The following TANC1 variants were observed in gnomAD, a reference collection of about 807,000 sequenced individuals.
The protein encoded by TANC1 is protein TANC1.
TANC1 carries 77 observed loss-of-function variants against 149.7 expected under a neutral mutation model. That is an observed-to-expected ratio of 0.51 (90% CI 0.43 to 0.62). TANC1 has a LOEUF of 0.62. Ranked by LOEUF, TANC1 falls within the 20% of genes least tolerant of loss-of-function variation. The pLI is 0.00. For missense variants in TANC1, 1,985 were observed against 2,321.8 expected (o/e 0.85, Z 2.98); for synonymous variants, 854 against 925.0 (o/e 0.92, Z 1.39).
intron 2 of TANC1, among the ~76,000 whole-genome samples, chr2:159,057,254 A>T (rs2041921143): frequency 6.6e-6 from 1 of 152,180 alleles, no homozygotes; most frequent in Admixed American, 6.5e-5. Flanking sequence ...CCTCTCATCT[A>T]CAGGGCTATC....
At chr2:159,214,444 C>T (rs1021194257) in intron 19 of TANC1, among the ~76,000 whole-genome samples, 24 of 152,322 alleles carry the variant, frequency 1.6e-4, no homozygotes, top group Admixed American at 1.6e-3. Context: ...TGAGCAGTCT[C>T]TCACCTGCTG....
chr2:158,970,997 A>T (rs1195788637), intron 1 of TANC1, among the ~76,000 whole-genome samples: 1 of 152,196 alleles, frequency 6.6e-6, no homozygotes, highest in Non-Finnish European at 1.5e-5. Context: ...GATATAACTG[A>T]TTCATAGTCA....
intron 11 of TANC1, among the ~76,000 whole-genome samples, chr2:159,174,410 A>C (rs942345087): frequency 6.6e-6 from 1 of 152,084 alleles, no homozygotes; most frequent in Admixed American, 6.5e-5. Flanking sequence ...ACTCCTCCAC[A>C]GTGTCCCTTG....
intron 3 of TANC1, among the ~76,000 whole-genome samples, chr2:159,094,774 T>TTG (rs1553547237): frequency 2.9e-3 from 153 of 53,468 alleles, no homozygotes; most frequent in Middle Eastern, 8.9e-3. Context: ...TGTGTGTGTG[T>TTG]GGGGGGGGGG....
In TANC1 at chr2:159,154,300, C is replaced by T. The variant is rs546033971; in HGVS notation, c.682+3744C>T. On this transcript the variant is annotated intron_variant, in intron 7 of 26. Coordinates refer to ENST00000263635, the MANE Select transcript of TANC1 (RefSeq NM_033394.3). ...CCTTTCTTTACTCTTTAAGCTGATT[C>T]GCATCATGTTGGTTATATTTAATCT... 2.6e-5 allele frequency among the ~76,000 whole-genome samples: 4 copies of T among 152,290 alleles called. No individual in the cohort carries two copies. The East Asian group carries it at 5.8e-4, about 22-fold the overall frequency.
At chr2:159,007,606 C>A (rs1039427090) in intron 2 of TANC1, among the ~76,000 whole-genome samples, 9 of 152,168 alleles carry the variant, frequency 5.9e-5, no homozygotes, top group African/African-American at 2.2e-4. Flanking sequence ...AGTAGGCTGT[C>A]CCATCTAGAT....
At chr2:159,147,600 C>G (rs916907653) in intron 5 of TANC1, 2 of 152,318 alleles carry the variant, frequency 1.3e-5, no homozygotes, top group African/African-American at 4.8e-5. Context: ...TGAGGTCGAC[C>G]CGCCCTGGGG....
intron 2 of TANC1, among the ~76,000 whole-genome samples, chr2:159,062,499 C>T (rs2042302783): frequency 6.6e-6 from 1 of 152,120 alleles, no homozygotes; most frequent in Non-Finnish European, 1.5e-5. Context: ...GAAGTTGCTA[C>T]TGGAAGGGAA....
At chr2:159,084,066 A>C (rs572660128) in intron 3 of TANC1, among the ~76,000 whole-genome samples, 1 of 152,222 alleles carries the variant, frequency 6.6e-6, no homozygotes, top group African/African-American at 2.4e-5. Flanking sequence ...CCTGGCCAAC[A>C]TGGCGAAACC....
intron 4 of TANC1, among the ~76,000 whole-genome samples, chr2:159,115,712 T>C (rs264580): frequency 0.34 from 51,013 of 151,974 alleles, 9,441 homozygotes; most frequent in East Asian, 0.63. Flanking sequence ...TGCCGAGCTC[T>C]AGCTTGGTTT....
At chr2:159,024,618 G>T (rs1041698898) in intron 2 of TANC1, among the ~76,000 whole-genome samples, 1 of 152,104 alleles carries the variant, frequency 6.6e-6, no homozygotes, top group Non-Finnish European at 1.5e-5. Flanking sequence ...GGGCATGGTG[G>T]CATGTGTCTG....
At chr2:159,164,862 C>T (rs2150415163) in intron 8 of TANC1, among the ~76,000 whole-genome samples, 1 of 152,276 alleles carries the variant, frequency 6.6e-6, no homozygotes, top group South Asian at 2.1e-4. Context: ...GGCCTTGTTC[C>T]AGAAGAGGGA....
chr2:159,092,016 A>G (rs1005203628), intron 3 of TANC1, among the ~76,000 whole-genome samples: 3 of 152,036 alleles, frequency 2.0e-5, no homozygotes, highest in African/African-American at 7.2e-5. Flanking sequence ...ACAACCTTTA[A>G]GAAACATTAG....
intron 1 of TANC1, among the ~76,000 whole-genome samples, chr2:158,970,807 A>C (rs1025722758): frequency 2.0e-5 from 3 of 152,160 alleles, no homozygotes; most frequent in Admixed American, 2.0e-4. Flanking sequence ...TCCACAAATA[A>C]ATTTAAGGTG....
intron 25 of TANC1, chr2:159,228,446 C>A: frequency 3.5e-6 from 1 of 283,996 alleles, no homozygotes; most frequent in East Asian, 8.0e-5. Context: ...TAACTGTGTC[C>A]TCCTGCCCCA....
chr2:159,116,454 C>CAACA (rs1553559680), intron 4 of TANC1, among the ~76,000 whole-genome samples: 7 of 140,410 alleles, frequency 5.0e-5, no homozygotes, highest in African/African-American at 1.9e-4. Context: ...ACAACAACAA[C>CAACA]AAAAAAAAAA....
At chr2:159,067,190 TATATAAG>T (rs1465801552) in intron 3 of TANC1, among the ~76,000 whole-genome samples, 7 of 152,230 alleles carry the variant, frequency 4.6e-5, no homozygotes, top group African/African-American at 1.7e-4. Context: ...TTTCCATACT[TATATAAG>T]AGAATAAGTG....
intron 2 of TANC1, among the ~76,000 whole-genome samples, chr2:159,051,204 A>G (rs2041438788): frequency 2.0e-5 from 3 of 152,220 alleles, no homozygotes; most frequent in Admixed American, 2.0e-4. Context: ...TTTGGACCAC[A>G]CACTTACATT....
At chr2:159,156,164 T>C (rs1293901868) in intron 7 of TANC1, among the ~76,000 whole-genome samples, 1 of 152,234 alleles carries the variant, frequency 6.6e-6, no homozygotes, top group African/African-American at 2.4e-5. Context: ...CACTACTAAA[T>C]TGAAATGCTT....
Sources: allele counts gnomAD v4.1 joint callset (sites outside exome capture counted in the v4.1 genomes callset), GRCh38; gene constraint gnomAD v4.1.1; transcripts MANE v1.5; gene names NCBI Gene and HGNC (gene_info 2026-07-23, HGNC 2026-07-21).